Variants in RAB3C observed in about 807,000 individuals in gnomAD.
RAB3C encodes ras-related protein Rab-3C.
Under a neutral mutation model 26.4 loss-of-function variants are expected in RAB3C, and 17 were observed. The observed-to-expected ratio is 0.64, with a 90% CI of 0.44 to 0.97. The LOEUF (loss-of-function observed/expected upper bound fraction) is 0.97, where lower values mean the gene tolerates loss of function less well. Ranked by LOEUF, RAB3C falls within the 50% of genes least tolerant of loss-of-function variation. The pLI is 0.00. For synonymous variants in RAB3C, 91 were observed against 95.9 expected (o/e 0.95, Z 0.30); for missense variants, 242 against 281.9 (o/e 0.86, Z 1.01).
At chr5:58,691,475 G>A (rs997678137) in intron 2 of RAB3C, among the ~76,000 whole-genome samples, 4 of 146,538 alleles carry the variant, frequency 2.7e-5, no homozygotes, top group African/African-American at 5.1e-5. Flanking sequence ...TGACACAGAC[G>A]TAAGGAGAAA....
At chr5:58,583,381 G>A (rs1180333995) in intron 1 of RAB3C, 149 bp downstream of exon 1, 2 of 1,515,468 alleles carry the variant, frequency 1.3e-6, no homozygotes, top group African/African-American at 1.4e-5. Context: ...GAACAGAGTT[G>A]GGTTTCTTTA....
intron 2 of RAB3C, among the ~76,000 whole-genome samples, chr5:58,691,331 G>A (rs868714346): frequency 3.3e-5 from 5 of 152,194 alleles, no homozygotes; most frequent in African/African-American, 9.6e-5. Context: ...AAATGGAGAA[G>A]AGATTAACAA....
chr5:58,594,690 G>A (rs890587634), intron 1 of RAB3C, among the ~76,000 whole-genome samples: 3 of 152,018 alleles, frequency 2.0e-5, no homozygotes, highest in African/African-American at 7.3e-5. Context: ...AGGGAGGCAA[G>A]ATATCAAGAT....
At position 58,611,146 on chromosome 5, in the gene RAB3C, T is replaced by C. The variant is rs1034484596; in HGVS notation, c.25-6497T>C. ...AGTCTACCATTGGTGGGCATTTAGG[T>C]TGATTCCATATCTTTGCTATTGTGA... On this transcript the variant is annotated intron_variant, in intron 1 of 4. Coordinates refer to ENST00000282878, the MANE Select transcript of RAB3C (RefSeq NM_138453.4). 2.6e-5 allele frequency among the ~76,000 whole-genome samples: 4 copies of C among 152,306 alleles called. No homozygotes were observed. The East Asian group carries it at 5.8e-4, about 22-fold the overall frequency.
chr5:58,752,571 T>C (rs1016036297), intron 3 of RAB3C, among the ~76,000 whole-genome samples: 11 of 152,156 alleles, frequency 7.2e-5, no homozygotes, highest in Admixed American at 2.6e-4. Flanking sequence ...TGTGGTGTAT[T>C]ATCAGTGATT....
At chr5:58,640,816 G>T (rs1216485693) in intron 2 of RAB3C, among the ~76,000 whole-genome samples, 1 of 152,146 alleles carries the variant, frequency 6.6e-6, no homozygotes, top group Non-Finnish European at 1.5e-5. Context: ...CAATTCTTCT[G>T]CTGTTAACTG....
chr5:58,614,208 A>G (rs1292212184), intron 1 of RAB3C, among the ~76,000 whole-genome samples: 1 of 152,076 alleles, frequency 6.6e-6, no homozygotes, highest in Non-Finnish European at 1.5e-5. Flanking sequence ...ATGTTTCCCC[A>G]TGAAAATTTT....
chr5:58,792,878 T>C (rs1422690584), intron 3 of RAB3C, among the ~76,000 whole-genome samples: 1 of 152,096 alleles, frequency 6.6e-6, no homozygotes, highest in Non-Finnish European at 1.5e-5. Flanking sequence ...TAATTAATTG[T>C]TAGTAATTGT....
chr5:58,628,960 G>A (rs1307304244), intron 2 of RAB3C, among the ~76,000 whole-genome samples: 7 of 142,510 alleles, frequency 4.9e-5, no homozygotes, highest in East Asian at 2.3e-4. Flanking sequence ...AGGTGGAGGC[G>A]AGAGGATTGC....
At chr5:58,646,758 G>A (rs1248357527) in intron 2 of RAB3C, among the ~76,000 whole-genome samples, 2 of 152,108 alleles carry the variant, frequency 1.3e-5, no homozygotes, top group African/African-American at 4.8e-5. Flanking sequence ...GGGAAAGCCG[G>A]CCCCATGCAT....
intron 3 of RAB3C, among the ~76,000 whole-genome samples, chr5:58,737,130 C>T (rs978332023): frequency 6.6e-6 from 1 of 151,968 alleles, no homozygotes; most frequent in Non-Finnish European, 1.5e-5. Flanking sequence ...TTTAGCCACA[C>T]CGGCTTCTTT....
At chr5:58,804,156 G>A (rs190453069) in intron 3 of RAB3C, among the ~76,000 whole-genome samples, 4 of 151,882 alleles carry the variant, frequency 2.6e-5, no homozygotes, top group African/African-American at 9.7e-5. Context: ...TTATTCAATA[G>A]AAATCACTGG....
At chr5:58,673,914 A>C (rs1229065301) in intron 2 of RAB3C, among the ~76,000 whole-genome samples, 1 of 152,222 alleles carries the variant, frequency 6.6e-6, no homozygotes, top group Non-Finnish European at 1.5e-5. Context: ...GCACATGCAC[A>C]TAAGAAACAT....
chr5:58,697,330 G>T (rs1748729403), intron 2 of RAB3C, among the ~76,000 whole-genome samples: 1 of 152,164 alleles, frequency 6.6e-6, no homozygotes, highest in Non-Finnish European at 1.5e-5. Flanking sequence ...GCTGAGGAGT[G>T]CTTTACTTCC....
chr5:58,724,350 G>A (rs1401679704), intron 2 of RAB3C, among the ~76,000 whole-genome samples: 1 of 151,378 alleles, frequency 6.6e-6, no homozygotes, highest in East Asian at 1.9e-4. Context: ...TGGGAGAGAA[G>A]GACCTCAAAT....
intron 2 of RAB3C, among the ~76,000 whole-genome samples, chr5:58,658,425 T>C (rs1747826308): frequency 2.0e-5 from 3 of 152,132 alleles, no homozygotes; most frequent in Admixed American, 2.0e-4. Flanking sequence ...CAGGAAAGGA[T>C]TGTGGGAAAG....
chr5:58,600,956 A>G (rs1192504027), intron 1 of RAB3C, among the ~76,000 whole-genome samples: 5 of 148,498 alleles, frequency 3.4e-5, no homozygotes, highest in African/African-American at 7.9e-5. Context: ...ACTTTTCCCC[A>G]TTCAGTGTTA....
intron 2 of RAB3C, among the ~76,000 whole-genome samples, chr5:58,655,856 C>T (rs1316820889): frequency 1.5e-5 from 2 of 133,192 alleles, no homozygotes; most frequent in South Asian, 4.8e-4. Context: ...AGTGCAGTGA[C>T]GCAGTCTCGG....
At chr5:58,684,852 G>T (rs1358659526) in intron 2 of RAB3C, among the ~76,000 whole-genome samples, 1 of 152,136 alleles carries the variant, frequency 6.6e-6, no homozygotes, top group Non-Finnish European at 1.5e-5. Context: ...CCGCCATGTG[G>T]GCTCCTGGGT....
Sources: allele counts gnomAD v4.1 joint callset (sites outside exome capture counted in the v4.1 genomes callset), GRCh38; gene constraint gnomAD v4.1.1; transcripts MANE v1.5; gene names NCBI Gene and HGNC (gene_info 2026-07-23, HGNC 2026-07-21).